Variants in KCNIP3 observed in about 807,000 individuals in gnomAD.
The protein encoded by KCNIP3 is potassium voltage-gated channel interacting protein 3.
Under a neutral mutation model 35.0 loss-of-function variants are expected in KCNIP3, and 28 were observed. That is an observed-to-expected ratio of 0.80 (90% confidence interval 0.59 to 1.10). The LOEUF is 1.10. Among genes scored for constraint, KCNIP3 ranks in the 50% least tolerant of loss-of-function variants. The pLI, the probability that KCNIP3 is intolerant of heterozygous loss-of-function variation, is 0.00. For synonymous variants in KCNIP3, 134 were observed against 133.8 expected (o/e 1.00, Z -0.01); for missense variants, 295 against 338.4 (o/e 0.87, Z 1.01).
intron 2 of KCNIP3, among the ~76,000 whole-genome samples, chr2:95,348,376 A>G (rs1679429567): frequency 6.6e-6 from 1 of 152,194 alleles, no homozygotes; most frequent in African/African-American, 2.4e-5. Context: ...GCTGTGCCTC[A>G]GAGGACCGTG....
At chr2:95,357,060 C>G (rs1347594430) in intron 2 of KCNIP3, among the ~76,000 whole-genome samples, 1 of 152,176 alleles carries the variant, frequency 6.6e-6, no homozygotes, top group Non-Finnish European at 1.5e-5. Context: ...GAGCTGGATG[C>G]TTGATGTTGC....
In KCNIP3 at chr2:95,341,232, G is replaced by A. The variant is rs193013835; in HGVS notation, c.181+30712G>A. On this transcript the variant is annotated intron_variant, in intron 2 of 8. Coordinates refer to ENST00000295225, the MANE Select transcript of KCNIP3 (RefSeq NM_013434.5). Reference sequence around the variant, plus strand: ...CTTGTGAGACCTGGGTGTTAAAAGTGTGTGGCACCTCCCCCCTCACTCTCT... The same window carrying A: ...CTTGTGAGACCTGGGTGTTAAAAGTATGTGGCACCTCCCCCCTCACTCTCT... Among the ~76,000 whole-genome samples, 587 of 152,292 alleles carry A rather than the reference G, an allele frequency of 3.9e-3. 1 individual carries two copies. Among genetic ancestry groups the A allele is most frequent in the Admixed American group, 4.3e-3 (66 of 15,298 alleles).
chr2:95,353,699 G>A (rs941630091), intron 2 of KCNIP3, among the ~76,000 whole-genome samples: 2 of 152,232 alleles, frequency 1.3e-5, no homozygotes, highest in East Asian at 3.9e-4. Flanking sequence ...GGGTGCAGGC[G>A]GGCGAGCCTG....
At chr2:95,346,834 TCGCCGC>T (rs935978862) in intron 2 of KCNIP3, 3 of 216,602 alleles carry the variant, frequency 1.4e-5, no homozygotes, top group African/African-American at 4.9e-5. Flanking sequence ...CCTGACCCGC[TCGCCGC>T]CGCCGCCGCC....
At chr2:95,354,385 AG>A (rs1679602145) in intron 2 of KCNIP3, among the ~76,000 whole-genome samples, 1 of 152,254 alleles carries the variant, frequency 6.6e-6, no homozygotes, top group Non-Finnish European at 1.5e-5. Flanking sequence ...GTTTTATGCC[AG>A]GCAGCACAGG....
chr2:95,343,821 C>T (rs1278258465), intron 2 of KCNIP3, among the ~76,000 whole-genome samples: 1 of 152,174 alleles, frequency 6.6e-6, no homozygotes, highest in Non-Finnish European at 1.5e-5. Context: ...AACTGGATGG[C>T]AGCTTCAATA....
chr2:95,361,692 GC>G (rs1310364591), intron 2 of KCNIP3, among the ~76,000 whole-genome samples: 1 of 152,112 alleles, frequency 6.6e-6, no homozygotes, highest in Non-Finnish European at 1.5e-5. Context: ...TAAAATTAAA[GC>G]CCACGCCAGT....
chr2:95,366,907 T>G lies in KCNIP3; in HGVS notation c.182-7389T>G, dbSNP rs193206150. Reference sequence around the variant, plus strand: ...ATTTCTTACTGCAGAGTTTTGAGACTTCTTTATATATTCTGTATATCCTTT... The same window carrying G: ...ATTTCTTACTGCAGAGTTTTGAGACGTCTTTATATATTCTGTATATCCTTT... On this transcript the variant is annotated intron_variant, in intron 2 of 8. Transcript: ENST00000295225. 3.9e-3 allele frequency among the ~76,000 whole-genome samples: 590 copies of G among 152,342 alleles called. 3 individuals carry two copies. Among genetic ancestry groups the G allele is most frequent in the South Asian group, 0.012 (58 of 4,832 alleles).
At chr2:95,331,341 G>A (rs2104244795) in intron 2 of KCNIP3, among the ~76,000 whole-genome samples, 1 of 152,262 alleles carries the variant, frequency 6.6e-6, no homozygotes, top group African/African-American at 2.4e-5. Context: ...ATTCACTGTG[G>A]TGGGAAAAAC....
intron 2 of KCNIP3, among the ~76,000 whole-genome samples, chr2:95,330,901 G>T (rs1355397318): frequency 6.6e-6 from 1 of 152,218 alleles, no homozygotes; most frequent in African/African-American, 2.4e-5. Context: ...ATGAGTAAAC[G>T]ATATATTGCA....
At chr2:95,302,469 C>T (rs548100132) in intron 1 of KCNIP3, among the ~76,000 whole-genome samples, 4 of 152,326 alleles carry the variant, frequency 2.6e-5, no homozygotes, top group Admixed American at 1.3e-4. Context: ...AGCCTCCCCA[C>T]GTGATTCTGG....
chr2:95,383,990 C>T lies in KCNIP3; in HGVS notation c.724-12C>T, dbSNP rs780485876. 1.2e-6 allele frequency: 2 copies of T among 1,613,704 alleles called. No homozygotes were observed. Among genetic ancestry groups the T allele is most frequent in the East Asian group, 2.2e-5 (1 of 44,884 alleles). ...CCAGCACCTGAAGGCCTCCCTTCCT[C>T]TCTCCATGCAGGATGAGAACATCAT... On this transcript the variant is annotated splice_polypyrimidine_tract_variant and intron_variant, in intron 8 of 8. Transcript: ENST00000295225.
chr2:95,361,360 C>T lies in KCNIP3; in HGVS notation c.182-12936C>T, dbSNP rs1359471748. 3.9e-5 allele frequency among the ~76,000 whole-genome samples: 6 copies of T among 152,110 alleles called. No homozygotes were observed. In the South Asian group the frequency reaches 8.3e-4, roughly 21 times the overall value. On this transcript the variant is annotated intron_variant, in intron 2 of 8. Coordinates refer to ENST00000295225, the MANE Select transcript of KCNIP3 (RefSeq NM_013434.5). ...TGGCTTCTTCATTCCTGACACCTCC[C>T]GCCAGTTCCCTTCACTCCATTCTCT...
intron 1 of KCNIP3, among the ~76,000 whole-genome samples, chr2:95,305,807 G>C (rs567549119): frequency 6.6e-6 from 1 of 152,328 alleles, no homozygotes; most frequent in Non-Finnish European, 1.5e-5. Flanking sequence ...GTTCACGCAG[G>C]TGTGGTGTGC....
intron 2 of KCNIP3, among the ~76,000 whole-genome samples, chr2:95,352,202 C>T (rs1679543336): frequency 6.6e-6 from 1 of 152,142 alleles, no homozygotes; most frequent in African/African-American, 2.4e-5. Flanking sequence ...TGCAGTTTGC[C>T]AAGATCACGC....
intron 1 of KCNIP3, among the ~76,000 whole-genome samples, chr2:95,305,824 AGTTT>A (rs1416103723): frequency 3.9e-5 from 6 of 152,266 alleles, no homozygotes; most frequent in East Asian, 3.9e-4. Flanking sequence ...GTGCGCCAAC[AGTTT>A]GTTTGTTTTA....
rs374756665 is a variant in KCNIP3 at position 95,367,913 on chromosome 2, C to A, written c.182-6383C>A. 2.0e-5 allele frequency among the ~76,000 whole-genome samples: 3 copies of A among 152,264 alleles called. No individual in the cohort carries two copies. In the East Asian group the frequency reaches 5.8e-4, roughly 29 times the overall value. The stretch of plus-strand genomic sequence containing the variant: ...AGTAGCTGGGATTACAGGCGCCTGC[C>A]ATCACGCCTGGCTAATTTTTGTATT... On this transcript the variant is annotated intron_variant, in intron 2 of 8. Transcript: ENST00000295225.
intron 1 of KCNIP3, chr2:95,302,959 C>T (rs898401207): frequency 7.2e-5 from 11 of 152,716 alleles, no homozygotes; most frequent in Non-Finnish European, 1.5e-4. Context: ...TGCATGTACT[C>T]CTAGAACGCC....
chr2:95,344,998 C>CA (rs1290063583), intron 2 of KCNIP3, among the ~76,000 whole-genome samples: 1 of 152,256 alleles, frequency 6.6e-6, no homozygotes. Flanking sequence ...TCTGCTCCAA[C>CA]AGAGCTGTTT....
Sources: gnomAD v4.1 joint callset for allele counts (sites outside exome capture counted in the v4.1 genomes callset) on GRCh38, gnomAD v4.1.1 for gene constraint, MANE v1.5 for transcripts, NCBI Gene and HGNC (gene_info 2026-07-23, HGNC 2026-07-21) for gene names.